Variants in GRHL2 observed in about 807,000 individuals in gnomAD.
The protein encoded by GRHL2 is grainyhead like transcription factor 2.
GRHL2 carries 21 observed loss-of-function variants against 83.8 expected under a neutral mutation model. That is an observed-to-expected ratio of 0.25 (90% CI 0.18 to 0.36). The LOEUF is 0.36. Among genes scored for constraint, GRHL2 ranks in the 10% least tolerant of loss-of-function variants. The pLI is 1.00. For missense variants in GRHL2, 623 were observed against 781.8 expected (o/e 0.80, Z 2.42); for synonymous variants, 280 against 278.9 (o/e 1.00, Z -0.04).
intron 12 of GRHL2, among the ~76,000 whole-genome samples, chr8:101,640,318 T>G (rs1243751377): frequency 6.6e-6 from 1 of 152,214 alleles, no homozygotes. Flanking sequence ...TGATTTTTTT[T>G]TAAATCATAG....
In GRHL2 at chr8:101,505,577, C is replaced by CAAAAAA. The variant is rs11395323; in HGVS notation, c.20+12803_20+12808dup. Among the ~76,000 whole-genome samples the CAAAAAA allele has an allele frequency of 2.9e-4, 29 of 101,028 alleles. 1 individual carries two copies. Among genetic ancestry groups the CAAAAAA allele is most frequent in the South Asian group, 3.6e-4 (1 of 2,810 alleles). 66.3% of individuals were successfully genotyped at this position (101,028 alleles called of 152,430 possible). ...GGGCAACAAGGGTGAAACTCTGTCT[C>CAAAAAA]AAAAAAAAAAAAAAAAAAAACAGTG... is the stretch of plus-strand genomic sequence containing the variant. On this transcript the variant is annotated intron_variant, in intron 1 of 15. Transcript: ENST00000646743.
At chr8:101,680,452 C>T in the GRHL2 span, among the ~76,000 whole-genome samples, 386 of 124,228 alleles carry the variant, frequency 3.1e-3, no homozygotes, top group East Asian at 5.3e-3. Context: ...TACAAAGAGA[C>T]TTAGACTCCC....
At chr8:101,522,028 G>C (rs1012268359) in intron 1 of GRHL2, among the ~76,000 whole-genome samples, 1 of 152,160 alleles carries the variant, frequency 6.6e-6, no homozygotes, top group Non-Finnish European at 1.5e-5. Context: ...AACTTTGGTA[G>C]GAAGCTGTTT....
At chr8:101,618,932 C>T (rs1221050216) in intron 8 of GRHL2, among the ~76,000 whole-genome samples, 1 of 151,878 alleles carries the variant, frequency 6.6e-6, no homozygotes, top group Non-Finnish European at 1.5e-5. Flanking sequence ...CAGTGTTTTA[C>T]CCAGGCCACT....
At position 101,668,967 on chromosome 8, in the gene GRHL2, G is replaced by A. The variant is rs1294611391; in HGVS notation, c.*2264G>A. The A allele has an allele frequency of 6.6e-6, 1 of 152,220 alleles. No homozygotes were observed. Among genetic ancestry groups the A allele is most frequent in the African/African-American group, 2.4e-5 (1 of 41,440 alleles). 9.4% of individuals were successfully genotyped at this position (152,220 alleles called of 1,614,324 possible). A position where few individuals can be genotyped will look rare whatever the true frequency, so the allele number is the denominator to read the frequency against. On this transcript the variant is annotated 3_prime_UTR_variant, in exon 16 of 16. Transcript: ENST00000646743. ...TCCTAAGTCCTTGAGCAATCATGGT[G>A]GTGACAATTGCCACAAGGGATATGA...
chr8:101,570,352 C>T lies in GRHL2; in HGVS notation c.692C>T (p.Ala231Val). The T allele has an allele frequency of 6.2e-7, 1 of 1,613,954 alleles. No homozygotes were observed. The highest frequency in any genetic ancestry group is 1.1e-5 in the South Asian group (1 of 91,084). Residue 231 changes from alanine (A) to valine (V), a missense_variant, in exon 5 of 16, where the codon GCT becomes GTT. Around this residue, in one of 8 missense-constraint regions of GRHL2, gnomAD observed 239 missense variants for 240.5 expected, o/e 0.99. Transcript: ENST00000646743. ...KDAATEKFRS[A>V]SVGAEEYMYD... Reference sequence around the variant, plus strand: ...CATATTTTGCAGAAATTTCGGAGTGCTTCAGTTGGGGCTGAGGAGTACATG... The same window carrying T: ...CATATTTTGCAGAAATTTCGGAGTGTTTCAGTTGGGGCTGAGGAGTACATG...
intron 4 of GRHL2, among the ~76,000 whole-genome samples, chr8:101,561,639 T>C (rs372042749): frequency 7.2e-5 from 11 of 152,264 alleles, no homozygotes; most frequent in South Asian, 2.1e-4. Flanking sequence ...GGGAACATTT[T>C]ACTGCAAAGA....
chr8:101,670,458 C>T (rs1814186723), downstream of GRHL2, among the ~76,000 whole-genome samples: 1 of 152,238 alleles, frequency 6.6e-6, no homozygotes, highest in Non-Finnish European at 1.5e-5. Flanking sequence ...AGCAGCATCT[C>T]CAGCAGCCTC....
intron 14 of GRHL2, among the ~76,000 whole-genome samples, chr8:101,651,438 G>A (rs993974011): frequency 3.3e-5 from 5 of 152,218 alleles, no homozygotes; most frequent in African/African-American, 1.2e-4. Flanking sequence ...AGATGAGCTA[G>A]GTGTGAGAAC....
chr8:101,623,288 GT>G (rs1040221118), intron 9 of GRHL2, among the ~76,000 whole-genome samples: 18 of 152,278 alleles, frequency 1.2e-4, no homozygotes, highest in Admixed American at 3.3e-4. Flanking sequence ...CAATAGGACA[GT>G]TTCCATGACA....
chr8:101,662,586 T>A (rs1029960490), intron 14 of GRHL2, among the ~76,000 whole-genome samples: 1 of 152,224 alleles, frequency 6.6e-6, no homozygotes, highest in Non-Finnish European at 1.5e-5. Context: ...CAGCTGCCTG[T>A]GAGCCCCACC....
chr8:101,645,235 T>A (rs1283995659), intron 13 of GRHL2, among the ~76,000 whole-genome samples: 1 of 149,336 alleles, frequency 6.7e-6, no homozygotes, highest in African/African-American at 2.5e-5. Flanking sequence ...TGGGTTCAAG[T>A]GATTCTCCTG....
At chr8:101,649,154 G>A (rs773377908) in intron 13 of GRHL2, among the ~76,000 whole-genome samples, 2 of 152,188 alleles carry the variant, frequency 1.3e-5, no homozygotes, top group African/African-American at 4.8e-5. Flanking sequence ...AAATTCCAAT[G>A]GGAACATTTG....
intron 8 of GRHL2, among the ~76,000 whole-genome samples, chr8:101,612,516 G>C (rs201826182): frequency 0.021 from 1,699 of 79,696 alleles, 54 homozygotes; most frequent in East Asian, 0.076. Flanking sequence ...TAGATAGATA[G>C]ATAGATACAT....
intron 11 of GRHL2, 128 bp from the exon 12 acceptor site, chr8:101,636,764 CACTGT>C: frequency 1.3e-6 from 1 of 755,560 alleles, no homozygotes; most frequent in Admixed American, 1.8e-5. Flanking sequence ...CACACACACA[CACTGT>C]TATTAAACAG....
At chr8:101,672,099 G>A (rs1346773453), downstream of GRHL2, among the ~76,000 whole-genome samples, 1 of 151,590 alleles carries the variant, frequency 6.6e-6, no homozygotes, top group Non-Finnish European at 1.5e-5. Flanking sequence ...CCACAAAGAT[G>A]GGGAAAAAAC....
chr8:101,652,435 T>TG (rs1491355245), intron 14 of GRHL2, among the ~76,000 whole-genome samples: 1 of 18,114 alleles, frequency 5.5e-5, no homozygotes. Context: ...GGTGTGTGTG[T>TG]CTGGTGTGTG....
intron 1 of GRHL2, among the ~76,000 whole-genome samples, chr8:101,495,814 T>C (rs909067881): frequency 1.3e-5 from 2 of 152,156 alleles, no homozygotes; most frequent in Admixed American, 6.5e-5. Context: ...CAATGCTTAA[T>C]AGTCACAAAA....
intron 7 of GRHL2, among the ~76,000 whole-genome samples, chr8:101,591,532 T>C (rs1213210157): frequency 6.6e-6 from 1 of 152,232 alleles, no homozygotes; most frequent in Non-Finnish European, 1.5e-5. Context: ...CTAGTAGCCA[T>C]TGTAGGACAT....
Sources: allele counts gnomAD v4.1 joint callset (sites outside exome capture counted in the v4.1 genomes callset), GRCh38; gene constraint gnomAD v4.1.1; regional missense constraint gnomAD v4.1.1; transcripts MANE v1.5; gene names NCBI Gene and HGNC (gene_info 2026-07-23, HGNC 2026-07-21).